Variants in SPTB observed in about 807,000 individuals in gnomAD.
The protein encoded by SPTB is spectrin beta, erythrocytic, also known as spectrin beta chain, erythrocytic.
SPTB carries 45 observed loss-of-function variants against 256.2 expected under a neutral mutation model. The observed-to-expected ratio is 0.18, with a 90% confidence interval of 0.14 to 0.23. The LOEUF is 0.23. Ranked by LOEUF, SPTB falls within the 10% of genes least tolerant of loss-of-function variation. SPTB has a pLI of 1.00. For synonymous variants in SPTB, 1,231 were observed against 1,243.1 expected (o/e 0.99, Z 0.21); for missense variants, 2,715 against 3,040.4 (o/e 0.89, Z 2.52).
chr14:64,803,542 A>G (rs966124705), intron 4 of SPTB, 65 bp downstream of exon 4: 17 of 1,597,566 alleles, frequency 1.1e-5, no homozygotes. Flanking sequence ...AGCATTTTAT[A>G]AGATTCTAAG....
At chr14:64,789,313 C>G (rs1176553351) in intron 15 of SPTB, among the ~76,000 whole-genome samples, 1 of 152,134 alleles carries the variant, frequency 6.6e-6, no homozygotes, top group Non-Finnish European at 1.5e-5. Flanking sequence ...AATTGTACCA[C>G]TGCACTCCAG....
intron 32 of SPTB, among the ~76,000 whole-genome samples, chr14:64,765,300 C>T (rs1163029535): frequency 2.0e-5 from 3 of 152,180 alleles, no homozygotes; most frequent in South Asian, 4.1e-4. Flanking sequence ...CCTGCCACAG[C>T]GGGGACATGC....
At position 64,824,372 on chromosome 14, in the gene SPTB, A is replaced by G. The variant is rs1343141346; in HGVS notation, c.-51-1227T>C. Among the ~76,000 whole-genome samples the G allele has an allele frequency of 6.6e-6, 1 of 152,180 alleles. No individual in the cohort carries two copies. Among genetic ancestry groups the G allele is most frequent in the Admixed American group, 6.5e-5 (1 of 15,282 alleles). On this transcript the variant is annotated intron_variant, in intron 1 of 35. Transcript: ENST00000644917. The surrounding 1 kb of genome is among the most constrained non-coding windows in gnomAD (Gnocchi z 5.7). Reference sequence around the variant, plus strand: ...AAAGCTTTGAGAACTTTAAGAAGTAACGGGAAGGCAGGGGTGGAGTCAGGG... The same window carrying G: ...AAAGCTTTGAGAACTTTAAGAAGTAGCGGGAAGGCAGGGGTGGAGTCAGGG...
chr14:64,837,415 T>C (rs1474280237), intron 1 of SPTB, among the ~76,000 whole-genome samples: 1 of 152,056 alleles, frequency 6.6e-6, no homozygotes, highest in Non-Finnish European at 1.5e-5. Context: ...ATGGGCAAGA[T>C]CTAAAAACAT....
intron 1 of SPTB, among the ~76,000 whole-genome samples, chr14:64,862,864 C>T (rs1341969131): frequency 1.7e-5 from 1 of 58,622 alleles, no homozygotes; most frequent in Non-Finnish European, 5.1e-5. Flanking sequence ...AAATAAACAA[C>T]AATAACAACA....
Position 64,779,896 on chromosome 14 carries a change from C to T in SPTB, c.4302G>A (p.Glu1434=). The T allele has an allele frequency of 1.2e-6, 2 of 1,614,004 alleles. No homozygotes were observed. The highest frequency in any genetic ancestry group is 8.5e-7 in the Non-Finnish European group (1 of 1,179,914). ...VEDQVNVRKE[E]LGELFAQVPS... ...GCACCTGGGCAAACAGCTCCCCCAG[C>T]TCCTCTTTTCGCACATTCACTTGGT... is the stretch of plus-strand genomic sequence containing the variant. The change falls in exon 21 of 36, where the codon GAG becomes GAA. Residue 1434 remains glutamate, a synonymous_variant. Coordinates refer to ENST00000644917, the MANE Select transcript of SPTB (RefSeq NM_001355436.2). The surrounding 1 kb of genome is among the most constrained non-coding windows in gnomAD (Gnocchi z 4.2).
At chr14:64,767,569 T>G (rs1792649164) in intron 30 of SPTB, 94 bp downstream of exon 30, 2 of 1,527,048 alleles carry the variant, frequency 1.3e-6, no homozygotes, top group African/African-American at 2.7e-5. Context: ...CACACCATTC[T>G]AAGTACCTAA....
chr14:64,868,400 C>A (rs1177575115), intron 1 of SPTB, among the ~76,000 whole-genome samples: 1 of 151,806 alleles, frequency 6.6e-6, no homozygotes, highest in Non-Finnish European at 1.5e-5. Flanking sequence ...TAAAAAAAAA[C>A]AAGGCAGAAA....
chr14:64,760,807 G>A lies in SPTB; in HGVS notation c.6345+5919C>T, dbSNP rs79118788. On this transcript the variant is annotated intron_variant, in intron 32 of 35. Coordinates refer to ENST00000644917, the MANE Select transcript of SPTB (RefSeq NM_001355436.2). This position sits in a 1 kb window ranked among gnomAD's most constrained non-coding sequence, Gnocchi z 4.3. The stretch of plus-strand genomic sequence containing the variant: ...CCTGTGTTACAAATGAGGGAAACTG[G>A]GGGTCGTACAGAATGAGTGACCTGT... Among the ~76,000 whole-genome samples, 12,507 of 152,232 alleles carry A rather than the reference G, an allele frequency of 0.082. 568 individuals are homozygous for A. Among genetic ancestry groups the A allele is most frequent in the Middle Eastern group, 0.12 (36 of 294 alleles).
In SPTB at chr14:64,775,425, C is replaced by A. The variant is rs527411647; in HGVS notation, c.4564-22G>T. 1.7e-5 allele frequency: 27 copies of A among 1,606,696 alleles called. No homozygotes were observed. In the East Asian group the frequency reaches 5.4e-4, roughly 32 times the overall value. On this transcript the variant is annotated intron_variant, in intron 22 of 35. Coordinates refer to ENST00000644917, the MANE Select transcript of SPTB (RefSeq NM_001355436.2). This position sits in a 1 kb window ranked among gnomAD's most constrained non-coding sequence, Gnocchi z 5.0. ...GTGTCTGCGGCCAGAAGGAAGGGCT[C>A]GGGGCAGGGCCTTCCCACCATGCGG...
chr14:64,774,355 A>G (rs1408946727), intron 24 of SPTB, 42 bp downstream of exon 24: 17 of 1,565,514 alleles, frequency 1.1e-5, no homozygotes, highest in Non-Finnish European at 1.4e-5. Flanking sequence ...CCCTGGCTCA[A>G]TCCCCATCTC....
At position 64,777,478 on chromosome 14, in the gene SPTB, C is replaced by T. The variant is rs1012392433; in HGVS notation, c.4563+1679G>A. ...TTCCCTAGGTGATGTGAGTGTACAG[C>T]CAGGGGTGAGAGCCCTTCATGTACT... On this transcript the variant is annotated intron_variant, in intron 22 of 35. Transcript: ENST00000644917. The surrounding 1 kb of genome is among the most constrained non-coding windows in gnomAD (Gnocchi z 4.5). 6.6e-6 allele frequency among the ~76,000 whole-genome samples: 1 copy of T among 152,172 alleles called. No homozygotes were observed. Among genetic ancestry groups the T allele is most frequent in the Admixed American group, 6.5e-5 (1 of 15,278 alleles).
At position 64,793,152 on chromosome 14, in the gene SPTB, C is replaced by T. The variant is rs774879187; in HGVS notation, c.2511G>A (p.Ala837=). 2.6e-5 allele frequency: 42 copies of T among 1,613,958 alleles called. No individual in the cohort carries two copies. The highest frequency in any genetic ancestry group is 6.7e-5 in the African/African-American group (5 of 74,946). Residue 837 remains alanine (A), a synonymous_variant, in exon 14 of 36, where the codon GCG becomes GCA. Coordinates refer to ENST00000644917, the MANE Select transcript of SPTB (RefSeq NM_001355436.2). This position sits in a 1 kb window ranked among gnomAD's most constrained non-coding sequence, Gnocchi z 7.0. ...RELYQQVVAQ[A]DLRQQRLQEA... ...CCTGCAGCCTCTGCTGACGCAGGTC[C>T]GCCTGGGCCACCACCTGTTGGTAGA...
At position 64,797,762 on chromosome 14, in the gene SPTB, G is replaced by A; in HGVS notation, c.1149C>T (p.Pro383=). Residue 383 remains proline (P), a synonymous_variant, in exon 10 of 36, where the codon CCC becomes CCT. Coordinates refer to ENST00000644917, the MANE Select transcript of SPTB (RefSeq NM_001355436.2). ...TGTCAGACACTAGTTTCCCATCGTG[G>A]GGTGTGTACACTTTCTGATTGTTGG... The part of the protein sequence containing the change: ...MRANNQKVYT[P]HDGKLVSDIN... 6.2e-7 allele frequency: 1 copy of A among 1,613,918 alleles called. No homozygotes were observed. The highest frequency in any genetic ancestry group is 8.5e-7 in the Non-Finnish European group (1 of 1,179,826).
At chr14:64,838,865 G>A (rs187647912) in intron 1 of SPTB, among the ~76,000 whole-genome samples, 14 of 152,190 alleles carry the variant, frequency 9.2e-5, no homozygotes, top group African/African-American at 3.4e-4. Flanking sequence ...TGGGTGTGGT[G>A]ACTCACATCT....
chr14:64,784,101 G>A (rs1347507802), intron 19 of SPTB, 146 bp downstream of exon 19: 2 of 1,207,944 alleles, frequency 1.7e-6, no homozygotes, highest in African/African-American at 1.5e-5. Flanking sequence ...AGCTCTGAAG[G>A]TTTAGCTACT....
At chr14:64,781,547 T>C (rs1487171524) in intron 20 of SPTB, among the ~76,000 whole-genome samples, 1 of 152,188 alleles carries the variant, frequency 6.6e-6, no homozygotes, top group Non-Finnish European at 1.5e-5. Flanking sequence ...ATGGCTATTA[T>C]TAAAAAGTCA....
chr14:64,872,528 C>A (rs1882591164), intron 1 of SPTB, among the ~76,000 whole-genome samples: 1 of 152,218 alleles, frequency 6.6e-6, no homozygotes, highest in South Asian at 2.1e-4. Context: ...TCAAAGGTCA[C>A]AAAGCCTGCA....
rs138126360 is a variant in SPTB at position 64,775,268 on chromosome 14, C to T, written c.4699G>A (p.Asp1567Asn). Residue 1567 changes from aspartate (D) to asparagine (N), a missense_variant, in exon 23 of 36, where the codon GAC becomes AAC. Asp to Asn is a conservative substitution (Grantham distance 23). Coordinates refer to ENST00000644917, the MANE Select transcript of SPTB (RefSeq NM_001355436.2). The surrounding 1 kb of genome is among the most constrained non-coding windows in gnomAD (Gnocchi z 5.0). ...CCGGCCGCTGCCTCCCGCAGCCTGTCCCAGGAGCTCTGCAGGTGCCCCAGG... is the reference window on the plus strand; with the variant it reads ...CCGGCCGCTGCCTCCCGCAGCCTGTTCCAGGAGCTCTGCAGGTGCCCCAGG... ...ERLGHLQSSW[D>N]RLREAAAGRL... 17 of 1,613,540 alleles carry T rather than the reference C, an allele frequency of 1.1e-5. No individual in the cohort carries two copies. The South Asian group carries it at 1.8e-4, about 17-fold the overall frequency.
Sources: allele counts gnomAD v4.1 joint callset (sites outside exome capture counted in the v4.1 genomes callset), GRCh38; gene constraint gnomAD v4.1.1; non-coding constraint Gnocchi (gnomAD v3.1); transcripts MANE v1.5; gene names NCBI Gene and HGNC (gene_info 2026-07-23, HGNC 2026-07-21).